STAT1: variants seen among roughly 807,000 people sequenced by gnomAD.
STAT1 encodes signal transducer and activator of transcription 1.
In STAT1, 24 loss-of-function variants were observed where a neutral mutation model predicts 111.7. The observed-to-expected ratio is 0.21, with a 90% CI of 0.16 to 0.30. The LOEUF is 0.30. Among genes scored for constraint, STAT1 ranks in the 10% least tolerant of loss-of-function variants. The probability of loss-of-function intolerance (pLI) is 1.00; values close to 1 mark genes in which losing one functional copy is unlikely to be tolerated. For synonymous variants in STAT1, 332 were observed against 326.5 expected (o/e 1.02, Z -0.18); for missense variants, 351 against 911.9 (o/e 0.38, Z 7.92).
At position 190,970,510 on chromosome 2, in the gene STAT1, G is replaced by A. The variant is rs1691371155; in HGVS notation, c.*193C>T. The A allele has an allele frequency of 3.0e-6, 2 of 673,158 alleles. No individual in the cohort carries two copies. The highest frequency in any genetic ancestry group is 4.3e-5 in the Admixed American group (2 of 46,196). 41.7% of individuals were successfully genotyped at this position (673,158 alleles called of 1,614,324 possible). A position where few individuals can be genotyped will look rare whatever the true frequency, so the allele number is the denominator to read the frequency against. Reference sequence around the variant, plus strand: ...CTTTCAATTTTACCTTCAGTAAGATGCATGATGCCCTTCAGAGTAACTGAT... The same window carrying A: ...CTTTCAATTTTACCTTCAGTAAGATACATGATGCCCTTCAGAGTAACTGAT... On this transcript the variant is annotated 3_prime_UTR_variant, in exon 25 of 25. Coordinates refer to ENST00000361099, the MANE Select transcript of STAT1 (RefSeq NM_007315.4). The surrounding 1 kb of genome is among the most constrained non-coding windows in gnomAD (Gnocchi z 5.4).
In STAT1 at chr2:190,993,375, A is replaced by G. The variant is rs747669908; in HGVS notation, c.944+1686T>C. The G allele has an allele frequency of 3.2e-6, 4 of 1,245,812 alleles. No individual in the cohort carries two copies. The highest frequency in any genetic ancestry group is 3.5e-6 in the Non-Finnish European group (3 of 867,504). 77.2% of individuals were successfully genotyped at this position (1,245,812 alleles called of 1,614,324 possible). A position where few individuals can be genotyped will look rare whatever the true frequency, so the allele number is the denominator to read the frequency against. The stretch of plus-strand genomic sequence containing the variant: ...AACCTTTCCTGTTCTGCTGTGTTCC[A>G]TATTTGAAGCTTGATTGTTTTCCCG... On this transcript the variant is annotated intron_variant, in intron 10 of 24. Coordinates refer to ENST00000361099, the MANE Select transcript of STAT1 (RefSeq NM_007315.4). The surrounding 1 kb of genome is among the most constrained non-coding windows in gnomAD (Gnocchi z 4.1).
chr2:190,991,202 A>T, intron 11 of STAT1, 26 bp downstream of exon 11: 1 of 1,607,396 alleles, frequency 6.2e-7, no homozygotes, highest in Admixed American at 1.7e-5. Context: ...CAGGTGATGT[A>T]TGGGATGCCA....
Position 191,007,861 on chromosome 2 carries a change from G to A in STAT1, c.274-200C>T, listed in dbSNP as rs953744893. 9.9e-6 allele frequency: 6 copies of A among 604,722 alleles called. No homozygotes were observed. Among genetic ancestry groups the A allele is most frequent in the African/African-American group, 1.9e-5 (1 of 53,804 alleles). 37.5% of individuals were successfully genotyped at this position (604,722 alleles called of 1,614,324 possible). ...CAAAAATTGCTTTAACTTTCTAAGT[G>A]CAGGTACCTAACGTACTTTTTGATT... is the stretch of plus-strand genomic sequence containing the variant. On this transcript the variant is annotated intron_variant, in intron 4 of 24. Transcript: ENST00000361099. The surrounding 1 kb of genome is among the most constrained non-coding windows in gnomAD (Gnocchi z 4.2).
rs1169965067 is a variant in STAT1 at position 190,973,602 on chromosome 2, T to C, written c.2238+1228A>G. 6.6e-6 allele frequency among the ~76,000 whole-genome samples: 1 copy of C among 152,202 alleles called. No homozygotes were observed. Among genetic ancestry groups the C allele is most frequent in the Non-Finnish European group, 1.5e-5 (1 of 68,034 alleles). On this transcript the variant is annotated intron_variant, in intron 24 of 24. Coordinates refer to ENST00000361099, the MANE Select transcript of STAT1 (RefSeq NM_007315.4). This position sits in a 1 kb window ranked among gnomAD's most constrained non-coding sequence, Gnocchi z 4.4. ...TGTAACATATTTTCTGAATAGGGCT[T>C]TATATTTATTCCATTTTTGTGCCAG...
chr2:190,993,303 C>T lies in STAT1; in HGVS notation c.944+1758G>A. On this transcript the variant is annotated intron_variant, in intron 10 of 24. Coordinates refer to ENST00000361099, the MANE Select transcript of STAT1 (RefSeq NM_007315.4). This position sits in a 1 kb window ranked among gnomAD's most constrained non-coding sequence, Gnocchi z 4.1. ...TCCTGATCTGTCACATCATACACCA[C>T]TAGGATGCCATTGGCTCCTCTGTAA... is the stretch of plus-strand genomic sequence containing the variant. The T allele has an allele frequency of 4.4e-6, 3 of 682,410 alleles. No homozygotes were observed. In the South Asian group the frequency reaches 4.5e-5, roughly 10 times the overall value. 42.3% of individuals were successfully genotyped at this position (682,410 alleles called of 1,614,324 possible).
chr2:191,010,081 G>A, intron 2 of STAT1, 77 bp from the exon 3 acceptor site: 1 of 1,530,726 alleles, frequency 6.5e-7, no homozygotes, highest in Non-Finnish European at 9.0e-7. Context: ...CTAGCATCAG[G>A]TTGTACTCTT....
chr2:190,974,512 A>G lies in STAT1; in HGVS notation c.2238+318T>C, dbSNP rs570843119. 1.3e-5 allele frequency among the ~76,000 whole-genome samples: 2 copies of G among 152,380 alleles called. No homozygotes were observed. The highest frequency in any genetic ancestry group is 4.8e-5 in the African/African-American group (2 of 41,594). On this transcript the variant is annotated intron_variant, in intron 24 of 24. Transcript: ENST00000361099. The surrounding 1 kb of genome is among the most constrained non-coding windows in gnomAD (Gnocchi z 4.8). ...GCATTCCGAAGAAAAACATTTGCTT[A>G]TCAAAGAAATCTTAGTTCCTTAATA...
Position 190,976,392 on chromosome 2 carries a change from A to G in STAT1, c.2059+448T>C, listed in dbSNP as rs920630044. ...TTCATTGACAACTGAGAAGCAAGAGACCTGTGTTCTCAGATGAGGCCTCCT... is the reference window on the plus strand; with the variant it reads ...TTCATTGACAACTGAGAAGCAAGAGGCCTGTGTTCTCAGATGAGGCCTCCT... On this transcript the variant is annotated intron_variant, in intron 22 of 24. Coordinates refer to ENST00000361099, the MANE Select transcript of STAT1 (RefSeq NM_007315.4). The surrounding 1 kb of genome is among the most constrained non-coding windows in gnomAD (Gnocchi z 6.0). 6.6e-6 allele frequency among the ~76,000 whole-genome samples: 1 copy of G among 152,164 alleles called. No homozygotes were observed. The highest frequency in any genetic ancestry group is 2.4e-5 in the African/African-American group (1 of 41,438).
chr2:191,013,722 G>C (rs1170988610), intron 1 of STAT1, 44 bp from the exon 2 acceptor site: 1 of 398,560 alleles, frequency 2.5e-6, no homozygotes, highest in Non-Finnish European at 4.4e-6. Context: ...GGGTGGAAAC[G>C]GGAGAAAGTG....
In STAT1 at chr2:190,975,481, A is replaced by C; in HGVS notation, c.2135+331T>G. The C allele has an allele frequency of 1.1e-5, 11 of 973,956 alleles. No individual in the cohort carries two copies. The highest frequency in any genetic ancestry group is 1.5e-5 in the Non-Finnish European group (10 of 676,998). The allele number at this position is 973,956 out of a possible 1,614,324, so 60.3% of individuals were successfully genotyped here. A position where few individuals can be genotyped will look rare whatever the true frequency, so the allele number is the denominator to read the frequency against. ...AAATCAAAGCAAGTGGAGACAGTGT[A>C]TCTCAATCATTACTTTGGCCTTTTC... is the stretch of plus-strand genomic sequence containing the variant. On this transcript the variant is annotated intron_variant, in intron 23 of 24. Coordinates refer to ENST00000361099, the MANE Select transcript of STAT1 (RefSeq NM_007315.4). This position sits in a 1 kb window ranked among gnomAD's most constrained non-coding sequence, Gnocchi z 5.9.
rs753589610 is a variant in STAT1 at position 191,007,547 on chromosome 2, A to C, written c.372+16T>G. On this transcript the variant is annotated intron_variant, in intron 5 of 24. Coordinates refer to ENST00000361099, the MANE Select transcript of STAT1 (RefSeq NM_007315.4). This position sits in a 1 kb window ranked among gnomAD's most constrained non-coding sequence, Gnocchi z 4.2. ...TTATTTTATTACAGTTTATGTGTTC[A>C]ATGAGAAAAAAGTACCTGATTAAAT... The C allele has an allele frequency of 1.9e-6, 3 of 1,575,970 alleles. No homozygotes were observed. In the Admixed American group the frequency reaches 5.0e-5, roughly 26 times the overall value.
At chr2:191,010,076 A>G in intron 2 of STAT1, 72 bp from the exon 3 acceptor site, 1 of 1,560,174 alleles carries the variant, frequency 6.4e-7, no homozygotes, top group Non-Finnish European at 8.8e-7. Flanking sequence ...CCTTCCTAGC[A>G]TCAGGTTGTA....
At chr2:190,991,468 G>C (rs956617593) in intron 10 of STAT1, 148 bp from the exon 11 acceptor site, 1 of 769,958 alleles carries the variant, frequency 1.3e-6, no homozygotes, top group African/African-American at 1.7e-5. Context: ...TGAACAAAGT[G>C]ATATTTTCTA....
chr2:191,010,443 T>G, intron 2 of STAT1: 2 of 467,006 alleles, frequency 4.3e-6, no homozygotes, highest in Non-Finnish European at 8.8e-6. Context: ...TGTGCACTGG[T>G]GTATCCCTAG....
chr2:191,001,678 C>T (rs961791950), intron 5 of STAT1, among the ~76,000 whole-genome samples: 5 of 152,152 alleles, frequency 3.3e-5, no homozygotes, highest in Admixed American at 6.5e-5. Flanking sequence ...TCCATTAAGG[C>T]CATCAATGAA....
chr2:190,998,922 G>A lies in STAT1; in HGVS notation c.542-614C>T, dbSNP rs1694055281. Among the ~76,000 whole-genome samples, 1 of 151,940 alleles carries A rather than the reference G, an allele frequency of 6.6e-6. No homozygotes were observed. The highest frequency in any genetic ancestry group is 1.5e-5 in the Non-Finnish European group (1 of 67,976). ...AAAGAGAAGTAGATGAGTAGGAAGT[G>A]GTAGTTGAAGTTGCTGTCTCTTATA... On this transcript the variant is annotated intron_variant, in intron 7 of 24. Coordinates refer to ENST00000361099, the MANE Select transcript of STAT1 (RefSeq NM_007315.4). The surrounding 1 kb of genome is among the most constrained non-coding windows in gnomAD (Gnocchi z 4.1).
intron 2 of STAT1, 29 bp from the exon 3 acceptor site, chr2:191,010,033 C>G (rs1695005030): frequency 6.2e-7 from 1 of 1,611,716 alleles, no homozygotes; most frequent in South Asian, 1.1e-5. Flanking sequence ...TACATTCTTT[C>G]TATGTATATG....
chr2:190,974,818 C>T lies in STAT1; in HGVS notation c.2238+12G>A, dbSNP rs756904860. The T allele has an allele frequency of 1.1e-5, 17 of 1,609,068 alleles. No individual in the cohort carries two copies. The East Asian group carries it at 1.8e-4, about 17-fold the overall frequency. ...TATTGAGAGCTACACACAGGCCAGC[C>T]GTGGTACTCACCATACTGTCGAATT... is the stretch of plus-strand genomic sequence containing the variant. On this transcript the variant is annotated intron_variant, in intron 24 of 24. Transcript: ENST00000361099. This position sits in a 1 kb window ranked among gnomAD's most constrained non-coding sequence, Gnocchi z 4.8.
chr2:191,001,453 G>A (rs932422955), intron 5 of STAT1, among the ~76,000 whole-genome samples: 7 of 152,098 alleles, frequency 4.6e-5, no homozygotes, highest in African/African-American at 1.2e-4. Flanking sequence ...TTTAGTTCAC[G>A]GTTTCTCAGA....
Sources: gnomAD v4.1 joint callset for allele counts (sites outside exome capture counted in the v4.1 genomes callset) on GRCh38, gnomAD v4.1.1 for gene constraint, Gnocchi (gnomAD v3.1) non-coding constraint, MANE v1.5 for transcripts, NCBI Gene and HGNC (gene_info 2026-07-23, HGNC 2026-07-21) for gene names.